The following UBL3 variants were observed in gnomAD, a reference collection of about 807,000 sequenced individuals.
UBL3 encodes ubiquitin-like protein 3.
In UBL3, 6 loss-of-function variants were observed where a neutral mutation model predicts 18.4. The ratio of observed to expected loss-of-function variants is 0.33; its 90% CI spans 0.18 to 0.64. The LOEUF is 0.64. Ranked by LOEUF, UBL3 falls within the 30% of genes least tolerant of loss-of-function variation. UBL3 has a pLI of 0.76. For synonymous variants in UBL3, 49 were observed against 46.6 expected, an observed-to-expected ratio of 1.05 and a Z score of -0.21; for missense variants, 109 against 142.9, an observed-to-expected ratio of 0.76 and a Z score of 1.21.
intron 1 of UBL3, among the ~76,000 whole-genome samples, chr13:29,782,326 C>T (rs879405392): frequency 9.9e-5 from 15 of 152,076 alleles, no homozygotes; most frequent in Non-Finnish European, 1.9e-4. Flanking sequence ...TAACTGGGTT[C>T]CTGCCACAAA....
At chr13:29,817,392 A>G (rs78900195) in intron 1 of UBL3, among the ~76,000 whole-genome samples, 2,268 of 152,268 alleles carry the variant, frequency 0.015, 90 homozygotes, top group East Asian at 0.083. Flanking sequence ...AAATGAATTA[A>G]GCCATTCAGG....
At chr13:29,785,672 C>T (rs144482285) in intron 1 of UBL3, among the ~76,000 whole-genome samples, 2 of 152,222 alleles carry the variant, frequency 1.3e-5, no homozygotes, top group African/African-American at 2.4e-5. Flanking sequence ...ACAATTGCAG[C>T]GCTAAAATAT....
At position 29,777,258 on chromosome 13, in the gene UBL3, A is replaced by G. The variant is rs1204647482; in HGVS notation, c.33T>C (p.Asn11=). MSSNVPADMI[N]LRLILVSGKT... The stretch of plus-strand genomic sequence containing the variant: ...TTCCGCTTACCAAAATGAGGCGCAA[A>G]TTTATCTGAAAGAAGACAATGATTC... The change falls in exon 2 of 5, where the codon AAT becomes AAC. Residue 11 remains asparagine (N), a synonymous_variant. Transcript: ENST00000380680. 1 of 1,604,750 alleles carries G rather than the reference A, an allele frequency of 6.2e-7. No homozygotes were observed. The highest frequency in any genetic ancestry group is 1.3e-5 in the African/African-American group (1 of 74,788).
chr13:29,790,264 C>A lies in UBL3; in HGVS notation c.28-13001G>T, dbSNP rs1593656792. Among the ~76,000 whole-genome samples, 2 of 152,308 alleles carry A rather than the reference C, an allele frequency of 1.3e-5. 1 individual carries two copies. Among genetic ancestry groups the A allele is most frequent in the African/African-American group, 4.8e-5 (2 of 41,574 alleles). ...TCAATAATGACCAATTCATTCTTAT[C>A]AGTCACACTTTAGACTTGAATAGAG... On this transcript the variant is annotated intron_variant, in intron 1 of 4. Coordinates refer to ENST00000380680, the MANE Select transcript of UBL3 (RefSeq NM_007106.4).
intron 1 of UBL3, among the ~76,000 whole-genome samples, chr13:29,795,300 G>A (rs1210342128): frequency 1.3e-5 from 2 of 151,766 alleles, no homozygotes; most frequent in African/African-American, 4.8e-5. Context: ...TTTTCCAAAG[G>A]GGAAAAAATG....
chr13:29,835,721 C>G (rs1168870993), intron 1 of UBL3, among the ~76,000 whole-genome samples: 1 of 134,488 alleles, frequency 7.4e-6, no homozygotes, highest in Non-Finnish European at 1.5e-5. Context: ...CGCCACTGCA[C>G]TCCAGCCTGG....
chr13:29,800,728 G>A (rs960030200), intron 1 of UBL3, among the ~76,000 whole-genome samples: 1 of 152,198 alleles, frequency 6.6e-6, no homozygotes, highest in African/African-American at 2.4e-5. Flanking sequence ...TTACCTGCCG[G>A]TCTGCTAAAT....
intron 1 of UBL3, among the ~76,000 whole-genome samples, chr13:29,791,357 T>C (rs1877473862): frequency 6.6e-6 from 1 of 152,236 alleles, no homozygotes; most frequent in African/African-American, 2.4e-5. Context: ...CAGTACTTTC[T>C]ATGAGGTACA....
chr13:29,796,707 T>A (rs887515422), intron 1 of UBL3, among the ~76,000 whole-genome samples: 1 of 152,180 alleles, frequency 6.6e-6, no homozygotes, highest in African/African-American at 2.4e-5. Context: ...TGAAATACTA[T>A]CTCCAACCCA....
intron 1 of UBL3, among the ~76,000 whole-genome samples, chr13:29,782,192 TC>T (rs1877193848): frequency 6.6e-6 from 1 of 152,122 alleles, no homozygotes; most frequent in Non-Finnish European, 1.5e-5. Context: ...TAGATAATGT[TC>T]AATTATCTTT....
chr13:29,845,187 C>A (rs1268547547), intron 1 of UBL3, among the ~76,000 whole-genome samples: 2 of 152,046 alleles, frequency 1.3e-5, no homozygotes, highest in East Asian at 1.9e-4. Flanking sequence ...GGATTCAGAG[C>A]TAGAAAGAAG....
In UBL3 at chr13:29,850,133, G is replaced by A. The variant is rs2139375384; in HGVS notation, c.-595C>T. The stretch of plus-strand genomic sequence containing the variant: ...GGAAACGGCTCAACTCGCGCCGCGG[G>A]GGCGAAGAGCCGGGCCGCGGAAACC... On this transcript the variant is annotated 5_prime_UTR_variant, in exon 1 of 5. Coordinates refer to ENST00000380680, the MANE Select transcript of UBL3 (RefSeq NM_007106.4). 1 of 152,514 alleles carries A rather than the reference G, an allele frequency of 6.6e-6. No homozygotes were observed. Among genetic ancestry groups the A allele is most frequent in the Middle Eastern group, 3.4e-3 (1 of 292 alleles). 9.4% of individuals were successfully genotyped at this position (152,514 alleles called of 1,614,324 possible).
At chr13:29,802,703 G>C (rs374204163) in intron 1 of UBL3, among the ~76,000 whole-genome samples, 5 of 152,102 alleles carry the variant, frequency 3.3e-5, no homozygotes, top group African/African-American at 9.7e-5. Flanking sequence ...TGAGGCAAGA[G>C]TCTCAAAGCC....
intron 1 of UBL3, among the ~76,000 whole-genome samples, chr13:29,804,859 A>T (rs914929188): frequency 2.6e-5 from 4 of 152,212 alleles, no homozygotes; most frequent in Non-Finnish European, 4.4e-5. Flanking sequence ...AATGAACATG[A>T]TTTATAGCTA....
intron 1 of UBL3, among the ~76,000 whole-genome samples, chr13:29,780,489 T>G (rs1250545125): frequency 6.7e-6 from 1 of 148,804 alleles, no homozygotes; most frequent in African/African-American, 2.5e-5. Flanking sequence ...CAGCTTTTGA[T>G]AAAATAGAAA....
chr13:29,794,351 T>TACACACAC (rs34035390), intron 1 of UBL3, among the ~76,000 whole-genome samples: 8 of 149,944 alleles, frequency 5.3e-5, no homozygotes, highest in African/African-American at 1.5e-4. Flanking sequence ...TTACTAACAC[T>TACACACAC]ACACACACAC....
chr13:29,786,565 G>A (rs1877324139), intron 1 of UBL3, among the ~76,000 whole-genome samples: 2 of 152,166 alleles, frequency 1.3e-5, no homozygotes. Context: ...CCACCGAAAT[G>A]GGGCAGCAAT....
intron 1 of UBL3, among the ~76,000 whole-genome samples, chr13:29,782,902 A>G (rs1177640449): frequency 6.6e-6 from 1 of 152,218 alleles, no homozygotes; most frequent in Non-Finnish European, 1.5e-5. Context: ...CTGCTGAGTA[A>G]AGTAACTCTT....
At chr13:29,824,311 T>A (rs1191432233) in intron 1 of UBL3, among the ~76,000 whole-genome samples, 1 of 152,206 alleles carries the variant, frequency 6.6e-6, no homozygotes, top group African/African-American at 2.4e-5. Context: ...TCAACTAGTT[T>A]TACAGTCCCA....
Sources: allele counts gnomAD v4.1 joint callset (sites outside exome capture counted in the v4.1 genomes callset), GRCh38; gene constraint gnomAD v4.1.1; transcripts MANE v1.5; gene names NCBI Gene and HGNC (gene_info 2026-07-23, HGNC 2026-07-21).